Variants in SEPTIN11 observed in about 807,000 individuals in gnomAD.
SEPTIN11 encodes septin-11.
A neutral mutation model predicts 51.4 loss-of-function variants in SEPTIN11; 25 were observed. The observed-to-expected ratio is 0.49, with a 90% confidence interval of 0.35 to 0.68. The LOEUF (loss-of-function observed/expected upper bound fraction) is 0.68, where lower values mean the gene tolerates loss of function less well. Among genes scored for constraint, SEPTIN11 ranks in the 30% least tolerant of loss-of-function variants. SEPTIN11 has a pLI of 0.00. For missense variants in SEPTIN11, 381 were observed against 520.8 expected, an observed-to-expected ratio of 0.73 and a Z score of 2.61; for synonymous variants, 174 against 184.1, an observed-to-expected ratio of 0.95 and a Z score of 0.44.
chr4:76,985,633 G>T (rs1722987632), intron 1 of SEPTIN11, among the ~76,000 whole-genome samples: 1 of 152,150 alleles, frequency 6.6e-6, no homozygotes, highest in South Asian at 2.1e-4. Flanking sequence ...TTTTAGATTC[G>T]GCTTCATCCA....
At chr4:77,039,379 G>T, downstream of SEPTIN11, 1 of 1,078,030 alleles carries the variant, frequency 9.3e-7, no homozygotes, top group African/African-American at 1.7e-5. Context: ...CCAAGGTCTT[G>T]TGCTGGGATC....
intron 7 of SEPTIN11, among the ~76,000 whole-genome samples, chr4:77,023,301 C>CACACAA (rs1404975669): frequency 1.3e-4 from 18 of 140,016 alleles, no homozygotes; most frequent in Non-Finnish European, 1.7e-4. Context: ...CACACACACA[C>CACACAA]AATATATATA....
chr4:77,014,763 GT>G, intron 4 of SEPTIN11, 92 bp from the exon 5 acceptor site: 1 of 1,293,566 alleles, frequency 7.7e-7, no homozygotes, highest in Non-Finnish European at 1.1e-6. Flanking sequence ...TTACAGTAAG[GT>G]TTTGCAATTT....
At chr4:76,965,001 G>A (rs1578122368) in intron 1 of SEPTIN11, among the ~76,000 whole-genome samples, 4 of 152,240 alleles carry the variant, frequency 2.6e-5, no homozygotes, top group Admixed American at 2.0e-4. Flanking sequence ...GATTCACTGA[G>A]TTAAAACTTG....
Position 76,949,763 on chromosome 4 carries a change from G to A in SEPTIN11, c.-141G>A. On this transcript the variant is annotated 5_prime_UTR_variant, in exon 1 of 10. Coordinates refer to ENST00000264893, the MANE Select transcript of SEPTIN11 (RefSeq NM_018243.4). ...CGGCGGCGTGGGGGGAGCAGATGCC[G>A]CTGGCTGCCAGCGGGACGCCGGCGA... The A allele has an allele frequency of 1.2e-6, 1 of 853,982 alleles. No homozygotes were observed. The highest frequency in any genetic ancestry group is 1.7e-6 in the Non-Finnish European group (1 of 578,236). 52.9% of individuals were successfully genotyped at this position (853,982 alleles called of 1,614,324 possible).
intron 1 of SEPTIN11, chr4:76,987,972 T>C: frequency 4.3e-6 from 1 of 231,932 alleles, no homozygotes; most frequent in Non-Finnish European, 7.1e-6. Flanking sequence ...TGCTGCCCCA[T>C]GGTTTCATCT....
chr4:76,974,768 A>G (rs1358428119), intron 1 of SEPTIN11: 1 of 456,606 alleles, frequency 2.2e-6, no homozygotes, highest in Non-Finnish European at 4.4e-6. Flanking sequence ...GGAATGAATC[A>G]AGTTTAACTT....
intron 1 of SEPTIN11, among the ~76,000 whole-genome samples, chr4:76,956,797 C>T (rs1387449727): frequency 1.3e-5 from 2 of 152,234 alleles, no homozygotes; most frequent in South Asian, 2.1e-4. Context: ...AAGTAAATCC[C>T]CCTCTAGGGA....
At chr4:77,031,019 C>T (rs777494017) in intron 9 of SEPTIN11, 49 bp downstream of exon 9, 2 of 1,501,396 alleles carry the variant, frequency 1.3e-6, no homozygotes, top group Non-Finnish European at 1.8e-6. Context: ...CAATTTATTC[C>T]TCTTGCATGT....
At chr4:77,017,085 G>A (rs1268398595) in intron 5 of SEPTIN11, among the ~76,000 whole-genome samples, 1 of 152,054 alleles carries the variant, frequency 6.6e-6, no homozygotes, top group Non-Finnish European at 1.5e-5. Context: ...TTCTGCTGTA[G>A]AACTGTAATT....
At chr4:76,964,519 C>T (rs1721954074) in intron 1 of SEPTIN11, among the ~76,000 whole-genome samples, 2 of 151,938 alleles carry the variant, frequency 1.3e-5, no homozygotes, top group Non-Finnish European at 2.9e-5. Context: ...TGAAAGGGAT[C>T]AAGGAGAGAT....
chr4:77,033,956 A>G lies in SEPTIN11; in HGVS notation c.1275-541A>G, dbSNP rs539503537. ...TCCTGGCATTGCTGTAGCTGTAACCATTCCAGTGATTGTCCTTTTTTTCCC... is the reference window on the plus strand; with the variant it reads ...TCCTGGCATTGCTGTAGCTGTAACCGTTCCAGTGATTGTCCTTTTTTTCCC... On this transcript the variant is annotated intron_variant, in intron 9 of 9. Transcript: ENST00000264893. 7.2e-5 allele frequency among the ~76,000 whole-genome samples: 11 copies of G among 152,304 alleles called. No individual in the cohort carries two copies. The South Asian group carries it at 1.5e-3, about 20-fold the overall frequency.
intron 7 of SEPTIN11, among the ~76,000 whole-genome samples, chr4:77,027,154 G>C (rs967662413): frequency 1.3e-5 from 2 of 151,906 alleles, no homozygotes; most frequent in Non-Finnish European, 2.9e-5. Context: ...TTCTTTTTTC[G>C]AGATGGAGTC....
At chr4:76,991,127 A>T (rs1384484320) in intron 1 of SEPTIN11, among the ~76,000 whole-genome samples, 2 of 152,234 alleles carry the variant, frequency 1.3e-5, no homozygotes, top group Non-Finnish European at 2.9e-5. Flanking sequence ...GATTAATTTC[A>T]GATTTTTAAA....
At chr4:76,991,334 C>CAAGTAG (rs1316595322) in intron 1 of SEPTIN11, among the ~76,000 whole-genome samples, 2 of 152,218 alleles carry the variant, frequency 1.3e-5, no homozygotes, top group Non-Finnish European at 2.9e-5. Flanking sequence ...AAGTAGAAAG[C>CAAGTAG]AAAGCTGGGA....
chr4:76,999,051 A>T (rs1416550653), intron 2 of SEPTIN11, among the ~76,000 whole-genome samples: 1 of 152,092 alleles, frequency 6.6e-6, no homozygotes, highest in East Asian at 1.9e-4. Context: ...CTTTTACACA[A>T]ATGAGATCAT....
downstream of SEPTIN11, chr4:77,038,627 T>A: frequency 1.0e-6 from 1 of 995,258 alleles, no homozygotes; most frequent in Non-Finnish European, 1.2e-6. Flanking sequence ...TTGTGTGCCC[T>A]TTTTTGTGAG....
intron 1 of SEPTIN11, among the ~76,000 whole-genome samples, chr4:76,965,909 G>C (rs371644061): frequency 1.3e-5 from 2 of 152,318 alleles, no homozygotes; most frequent in African/African-American, 4.8e-5. Flanking sequence ...TGGCTCAGCT[G>C]TCTATTGATG....
intron 1 of SEPTIN11, among the ~76,000 whole-genome samples, chr4:76,970,196 C>T (rs139698116): frequency 8.6e-4 from 131 of 152,348 alleles, no homozygotes; most frequent in African/African-American, 3.0e-3. Context: ...ATCTAGTCAT[C>T]CTTCAGGACT....
Sources: gnomAD v4.1 joint callset for allele counts (sites outside exome capture counted in the v4.1 genomes callset) on GRCh38, gnomAD v4.1.1 for gene constraint, MANE v1.5 for transcripts, NCBI Gene and HGNC (gene_info 2026-07-23, HGNC 2026-07-21) for gene names.